Variants in IL23R observed in about 807,000 individuals in gnomAD.
IL23R encodes interleukin-23 receptor.
In IL23R, 34 loss-of-function variants were observed where a neutral mutation model predicts 56.9. The ratio of observed to expected loss-of-function variants is 0.60; its 90% CI spans 0.45 to 0.80. The LOEUF (loss-of-function observed/expected upper bound fraction) is 0.80, where lower values mean the gene tolerates loss of function less well. IL23R is among the 30% of genes least tolerant of loss of function. The pLI is 0.00. For synonymous variants in IL23R, 230 were observed against 249.2 expected (o/e 0.92, Z 0.73); for missense variants, 635 against 730.0 (o/e 0.87, Z 1.50).
chr1:67,219,441 A>G (rs1257864012), intron 6 of IL23R, 133 bp from the exon 7 acceptor site: 11 of 792,136 alleles, frequency 1.4e-5, no homozygotes, highest in African/African-American at 5.2e-5. Flanking sequence ...CACGTTTTAT[A>G]TAAAGAACAC....
At chr1:67,139,476 C>T (rs1646614371) in intron 1 of IL23R, among the ~76,000 whole-genome samples, 1 of 152,166 alleles carries the variant, frequency 6.6e-6, no homozygotes, top group Non-Finnish European at 1.5e-5. Context: ...ATTATAAGTT[C>T]TAAGAAAACT....
intron 1 of IL23R, among the ~76,000 whole-genome samples, chr1:67,155,555 G>A (rs1443278809): frequency 1.3e-5 from 2 of 151,964 alleles, no homozygotes; most frequent in African/African-American, 4.8e-5. Context: ...TTCAAACTCC[G>A]ATATCCTTTC....
At chr1:67,223,762 C>T (rs916753757) in intron 7 of IL23R, among the ~76,000 whole-genome samples, 4 of 152,012 alleles carry the variant, frequency 2.6e-5, no homozygotes, top group African/African-American at 9.7e-5. Flanking sequence ...CATGGCTGCA[C>T]GGCATTCTCG....
At chr1:67,231,282 A>G (rs374530851) in intron 7 of IL23R, among the ~76,000 whole-genome samples, 3 of 152,208 alleles carry the variant, frequency 2.0e-5, no homozygotes, top group Non-Finnish European at 2.9e-5. Context: ...AGAAATAATC[A>G]GTGGAAGGAA....
chr1:67,255,849 G>A lies in IL23R; in HGVS notation c.1161G>A (p.Arg387=). 6.5e-7 allele frequency: 1 copy of A among 1,541,362 alleles called. No homozygotes were observed. Among genetic ancestry groups the A allele is most frequent in the South Asian group, 1.1e-5 (1 of 89,562 alleles). ...NRSFRTGIKR[R]ILLLIPKWLY... is the part of the protein sequence containing the mutation. ...TTTTGTTTTTTAGGATTAAAAGAAG[G>A]ATCTTATTGTTAATACCAAAGTGGC... The change falls in exon 10 of 11, where the codon AGG becomes AGA. Residue 387 remains arginine (R), a synonymous_variant. Coordinates refer to ENST00000347310, the MANE Select transcript of IL23R (RefSeq NM_144701.3).
intron 4 of IL23R, among the ~76,000 whole-genome samples, chr1:67,192,926 C>T (rs1335973554): frequency 6.6e-6 from 1 of 152,170 alleles, no homozygotes. Context: ...CCATGTCACC[C>T]TTCTGCTCAT....
At chr1:67,180,979 T>A (rs1392882774) in intron 3 of IL23R, among the ~76,000 whole-genome samples, 1 of 152,224 alleles carries the variant, frequency 6.6e-6, no homozygotes, top group African/African-American at 2.4e-5. Flanking sequence ...GAGTTTCTGC[T>A]GAGAGATCCG....
intron 5 of IL23R, among the ~76,000 whole-genome samples, chr1:67,204,755 G>A (rs1466231791): frequency 1.4e-5 from 2 of 139,816 alleles, no homozygotes; most frequent in Admixed American, 1.6e-4. Flanking sequence ...CTTGACTCTA[G>A]AATCTCAATA....
At chr1:67,215,245 C>T (rs790634) in intron 6 of IL23R, among the ~76,000 whole-genome samples, 115,447 of 152,134 alleles carry the variant, frequency 0.76, 44,036 homozygotes, top group East Asian at 0.97. Context: ...TAACAAACTG[C>T]CACAAAAGCT....
chr1:67,187,327 G>A (rs2064689), intron 4 of IL23R, among the ~76,000 whole-genome samples: 44,529 of 152,018 alleles, frequency 0.29, 6,908 homozygotes, highest in Admixed American at 0.43. Flanking sequence ...GTTCCTGATA[G>A]TAAAACTGCA....
intron 1 of IL23R, among the ~76,000 whole-genome samples, chr1:67,157,607 T>C (rs185448814): frequency 1.1e-4 from 16 of 152,342 alleles, no homozygotes; most frequent in Non-Finnish European, 2.2e-4. Flanking sequence ...CTCTTTTTCT[T>C]ACTCTTCGCC....
chr1:67,252,650 A>G (rs945057249), intron 9 of IL23R, among the ~76,000 whole-genome samples: 1 of 152,124 alleles, frequency 6.6e-6, no homozygotes, highest in Non-Finnish European at 1.5e-5. Context: ...GGTCTAATTC[A>G]TATCCCGCTT....
chr1:67,151,738 T>G (rs1247292338), intron 1 of IL23R, among the ~76,000 whole-genome samples: 1 of 152,226 alleles, frequency 6.6e-6, no homozygotes, highest in Non-Finnish European at 1.5e-5. Flanking sequence ...TTTTGTCACG[T>G]TTGTCGAAGA....
chr1:67,192,672 C>T (rs1371254741), intron 4 of IL23R, among the ~76,000 whole-genome samples: 4 of 152,194 alleles, frequency 2.6e-5, no homozygotes, highest in African/African-American at 9.6e-5. Flanking sequence ...CAACTGTATC[C>T]TTTGCATTAT....
At chr1:67,212,353 G>C (rs1228369166) in intron 6 of IL23R, among the ~76,000 whole-genome samples, 17 of 152,178 alleles carry the variant, frequency 1.1e-4, no homozygotes, top group Non-Finnish European at 4.4e-5. Context: ...AGGAAAGTCA[G>C]AGTCAAGAGG....
chr1:67,265,169 G>A, the IL23R span, among the ~76,000 whole-genome samples: 2 of 152,184 alleles, frequency 1.3e-5, no homozygotes, highest in Non-Finnish European at 2.9e-5. Flanking sequence ...TTCACATCCT[G>A]TCTGAGAATT....
Position 67,219,628 on chromosome 1 carries a change from G to A in IL23R, c.853G>A (p.Glu285Lys), listed in dbSNP as rs1423971926. 6.2e-7 allele frequency: 1 copy of A among 1,614,038 alleles called. No individual in the cohort carries two copies. The highest frequency in any genetic ancestry group is 2.2e-5 in the East Asian group (1 of 44,882). ...TYVQQSEFYL[E>K]PNIKYVFQVR... is the part of the protein sequence containing the mutation. ...TGTGCAACAGTCAGAATTCTACTTG[G>A]AGCCAAACATTAAGTACGTATTTCA... is the stretch of plus-strand genomic sequence containing the variant. Residue 285 changes from glutamate to lysine, a missense_variant, in exon 7 of 11, where the codon GAG (glutamate) becomes AAG (lysine). Coordinates refer to ENST00000347310, the MANE Select transcript of IL23R (RefSeq NM_144701.3).
chr1:67,182,697 A>G (rs1242143225), intron 3 of IL23R, 139 bp from the exon 4 acceptor site: 21 of 871,852 alleles, frequency 2.4e-5, no homozygotes, highest in Non-Finnish European at 3.8e-5. Flanking sequence ...CTCAGTTGGA[A>G]ATGAAGAAAT....
In IL23R at chr1:67,236,726, A is replaced by G; in HGVS notation, c.969A>G (p.Thr323=). Residue 323 remains threonine (T), a synonymous_variant, in exon 8 of 11, where the codon ACA becomes ACG. Transcript: ENST00000347310. ...HKTPETVPQV[T]SKAFQHDTWN... is the part of the protein sequence containing the mutation. ...TTTTGGTTTAAGTTCCCCAGGTCACATCAAAAGCATTCCAACATGACACAT... is the reference window on the plus strand; with the variant it reads ...TTTTGGTTTAAGTTCCCCAGGTCACGTCAAAAGCATTCCAACATGACACAT... 9.9e-6 allele frequency: 16 copies of G among 1,613,184 alleles called. No homozygotes were observed. The highest frequency in any genetic ancestry group is 1.2e-5 in the Non-Finnish European group (14 of 1,179,110).
Sources: gnomAD v4.1 joint callset for allele counts (sites outside exome capture counted in the v4.1 genomes callset) on GRCh38, gnomAD v4.1.1 for gene constraint, MANE v1.5 for transcripts, NCBI Gene and HGNC (gene_info 2026-07-23, HGNC 2026-07-21) for gene names.